The following ROBO2 variants were observed in gnomAD, a reference collection of about 807,000 sequenced individuals.
ROBO2 encodes roundabout homolog 2.
In ROBO2, 53 loss-of-function variants were observed where a neutral mutation model predicts 160.8. That is an observed-to-expected ratio of 0.33 (90% CI 0.26 to 0.41). The LOEUF is 0.41. Ranked by LOEUF, ROBO2 falls within the 10% of genes least tolerant of loss-of-function variation. The pLI is 1.00. For synonymous variants in ROBO2, 664 were observed against 611.7 expected (o/e 1.09, Z -1.26); for missense variants, 1,577 against 1,722.4 (o/e 0.92, Z 1.49).
At chr3:76,522,697 C>A (rs2081695844) in intron 2 of ROBO2, among the ~76,000 whole-genome samples, 1 of 151,960 alleles carries the variant, frequency 6.6e-6, no homozygotes, top group African/African-American at 2.4e-5. Context: ...TTTGCTATGG[C>A]CATTCATCTG....
chr3:76,685,879 C>T (rs1393871393), intron 2 of ROBO2, among the ~76,000 whole-genome samples: 1 of 152,040 alleles, frequency 6.6e-6, no homozygotes, highest in African/African-American at 2.4e-5. Flanking sequence ...TTAATTAATT[C>T]ATCTTCAAGT....
chr3:76,368,541 C>T (rs892493709), intron 2 of ROBO2, among the ~76,000 whole-genome samples: 3 of 151,874 alleles, frequency 2.0e-5, no homozygotes, highest in African/African-American at 7.3e-5. Flanking sequence ...GACTGTTGAC[C>T]ACAGTATTTA....
intron 2 of ROBO2, among the ~76,000 whole-genome samples, chr3:77,291,952 T>C: frequency 6.6e-6 from 1 of 151,248 alleles, no homozygotes; most frequent in East Asian, 2.0e-4. Context: ...AAGTGTAAGC[T>C]GAGACTAGAT....
chr3:77,115,447 C>A (rs990867889), intron 2 of ROBO2, among the ~76,000 whole-genome samples: 4 of 152,118 alleles, frequency 2.6e-5, no homozygotes, highest in Admixed American at 6.6e-5. Context: ...TATTTTATAA[C>A]ACCTCTGTAA....
chr3:77,252,270 G>T (rs922720644), intron 2 of ROBO2, among the ~76,000 whole-genome samples: 2 of 151,992 alleles, frequency 1.3e-5, no homozygotes, highest in Non-Finnish European at 2.9e-5. Flanking sequence ...CATCAGAATG[G>T]CCTTGAATAT....
intron 2 of ROBO2, among the ~76,000 whole-genome samples, chr3:77,386,933 A>G (rs778050549): frequency 6.6e-6 from 1 of 151,940 alleles, no homozygotes; most frequent in Non-Finnish European, 1.5e-5. Context: ...GTTCTGCTTG[A>G]TCAAACAGGA....
At chr3:76,376,116 A>T (rs1054361049) in intron 2 of ROBO2, among the ~76,000 whole-genome samples, 1 of 152,084 alleles carries the variant, frequency 6.6e-6, no homozygotes, top group East Asian at 1.9e-4. Flanking sequence ...ATGCTTTTCT[A>T]TCTTCCTAAA....
intron 2 of ROBO2, among the ~76,000 whole-genome samples, chr3:76,222,607 A>G (rs1704039732): frequency 6.6e-6 from 1 of 152,078 alleles, no homozygotes; most frequent in Non-Finnish European, 1.5e-5. Flanking sequence ...GTTAACAACC[A>G]TCTGACCATC....
At position 77,557,907 on chromosome 3, in the gene ROBO2, T is replaced by C. The variant is rs377719753; in HGVS notation, c.1232-37T>C. 7 of 1,471,020 alleles carry C rather than the reference T, an allele frequency of 4.8e-6. No individual in the cohort carries two copies. The African/African-American group carries it at 1.4e-4, about 29-fold the overall frequency. The allele number at this position is 1,471,020 out of a possible 1,614,324, so 91.1% of individuals were successfully genotyped here. The stretch of plus-strand genomic sequence containing the variant: ...ATATATCAAGCCTACTGAACTACAT[T>C]GATGTTAAAATACCTGAAAAGAGCT... On this transcript the variant is annotated intron_variant, in intron 8 of 25. Coordinates refer to ENST00000461745, the Ensembl canonical transcript of ROBO2.
intron 7 of ROBO2, among the ~76,000 whole-genome samples, chr3:77,547,838 A>G (rs1448701521): frequency 6.6e-6 from 1 of 152,082 alleles, no homozygotes; most frequent in Admixed American, 6.6e-5. Context: ...AGTAATTACA[A>G]AACAGGTTTC....
At chr3:77,036,403 G>A (rs1578415195), upstream of ROBO2, among the ~76,000 whole-genome samples, 1 of 152,020 alleles carries the variant, frequency 6.6e-6, no homozygotes, top group East Asian at 1.9e-4. Flanking sequence ...GTAAAAAAGT[G>A]GATTAGGGTT....
At chr3:77,459,136 C>T (rs1308452933) in intron 2 of ROBO2, among the ~76,000 whole-genome samples, 1 of 152,150 alleles carries the variant, frequency 6.6e-6, no homozygotes, top group African/African-American at 2.4e-5. Context: ...GTGATACAAG[C>T]TACTGGCTTT....
At chr3:77,166,273 GA>G (rs1403052163) in intron 2 of ROBO2, among the ~76,000 whole-genome samples, 2 of 150,442 alleles carry the variant, frequency 1.3e-5, no homozygotes, top group Admixed American at 6.6e-5. Context: ...TTAAAAAAAA[GA>G]AAAAAAAGAA....
At chr3:77,380,533 G>A (rs971118323) in intron 2 of ROBO2, among the ~76,000 whole-genome samples, 2 of 152,150 alleles carry the variant, frequency 1.3e-5, no homozygotes, top group Non-Finnish European at 2.9e-5. Context: ...ACAATTAAAA[G>A]ACGGGATTTT....
At chr3:76,062,752 T>G (rs1336834846) in intron 2 of ROBO2, among the ~76,000 whole-genome samples, 1 of 152,168 alleles carries the variant, frequency 6.6e-6, no homozygotes, top group African/African-American at 2.4e-5. Flanking sequence ...TGTCAGAACA[T>G]AATCGTTGCT....
At chr3:76,113,712 C>A (rs2126536) in intron 2 of ROBO2, among the ~76,000 whole-genome samples, 10,488 of 152,058 alleles carry the variant, frequency 0.069, 674 homozygotes, top group East Asian at 0.36. Context: ...AAGGCCAGAA[C>A]CCTCATAATA....
At chr3:76,771,735 T>G (rs1443063913) in intron 2 of ROBO2, among the ~76,000 whole-genome samples, 2 of 151,390 alleles carry the variant, frequency 1.3e-5, no homozygotes, top group East Asian at 3.9e-4. Flanking sequence ...ATAAATATTT[T>G]AAAATTTGCT....
intron 1 of ROBO2, among the ~76,000 whole-genome samples, chr3:75,920,581 C>T (rs1023089379): frequency 6.6e-6 from 1 of 152,106 alleles, no homozygotes; most frequent in Non-Finnish European, 1.5e-5. Flanking sequence ...TCTGAATATC[C>T]TTGTTAATTT....
At chr3:77,315,446 T>C (rs1304863214) in intron 2 of ROBO2, among the ~76,000 whole-genome samples, 2 of 152,248 alleles carry the variant, frequency 1.3e-5, no homozygotes, top group African/African-American at 4.8e-5. Context: ...CAGTAAATGC[T>C]GGTGAAGTTG....
Sources: allele counts gnomAD v4.1 joint callset (sites outside exome capture counted in the v4.1 genomes callset), GRCh38; gene constraint gnomAD v4.1.1; transcripts MANE v1.5; gene names NCBI Gene and HGNC (gene_info 2026-07-23, HGNC 2026-07-21).